The following SUMF1 variants were observed in gnomAD, a reference collection of about 807,000 sequenced individuals.
The protein encoded by SUMF1 is sulfatase modifying factor 1, also known as formylglycine-generating enzyme.
A neutral mutation model predicts 47.6 loss-of-function variants in SUMF1; 48 were observed. The observed-to-expected ratio is 1.01, with a 90% CI of 0.80 to 1.28. The LOEUF is 1.28. Ranked by LOEUF, SUMF1 falls within the 50% of genes most tolerant of loss-of-function variation. The pLI is 0.00. For synonymous variants in SUMF1, 230 were observed against 192.1 expected (o/e 1.20, Z -1.63); for missense variants, 571 against 485.4 (o/e 1.18, Z -1.66).
chr3:4,196,039 A>G (rs774010669), intron 8 of SUMF1, among the ~76,000 whole-genome samples: 3 of 152,240 alleles, frequency 2.0e-5, no homozygotes, highest in Non-Finnish European at 4.4e-5. Context: ...AAAAAGCACT[A>G]TATGATTAAA....
intron 8 of SUMF1, among the ~76,000 whole-genome samples, chr3:4,173,800 G>A (rs956878131): frequency 6.6e-6 from 1 of 152,036 alleles, no homozygotes; most frequent in African/African-American, 2.4e-5. Flanking sequence ...AACACCGCAT[G>A]TCCCCACTCA....
At chr3:4,379,805 G>A (rs1248770105) in intron 7 of SUMF1, among the ~76,000 whole-genome samples, 3 of 128,042 alleles carry the variant, frequency 2.3e-5, no homozygotes, top group Non-Finnish European at 3.1e-5. Context: ...TCGTGCCACC[G>A]CACTCCAGCC....
rs182732709 is a variant in SUMF1, at chr3:4,214,172, C to T, written c.1015-145427G>A. On this transcript the variant is annotated intron_variant and NMD_transcript_variant, in intron 8 of 12. Transcript: ENST00000448413. The stretch of plus-strand genomic sequence containing the variant: ...ACATAATTGGAAGGAAAACACTCCT[C>T]AGCAAATGCAAAAGAACGGAAATCA... 3.5e-4 allele frequency among the ~76,000 whole-genome samples: 54 copies of T among 152,268 alleles called. No individual in the cohort carries two copies. In the East Asian group the frequency reaches 9.1e-3, roughly 26 times the overall value.
At chr3:4,043,917 A>G (rs914108245) in intron 9 of SUMF1, among the ~76,000 whole-genome samples, 5 of 152,114 alleles carry the variant, frequency 3.3e-5, no homozygotes, top group African/African-American at 1.2e-4. Flanking sequence ...CTATACTGGC[A>G]ATAAAATCAA....
Position 4,318,855 on chromosome 3 carries a change from G to C in SUMF1, c.1014+57475C>G, listed in dbSNP as rs145646141. Among the ~76,000 whole-genome samples, 228 of 152,212 alleles carry C rather than the reference G, an allele frequency of 1.5e-3. 1 individual carries two copies. The highest frequency in any genetic ancestry group is 5.3e-3 in the African/African-American group (222 of 41,546). On this transcript the variant is annotated intron_variant and NMD_transcript_variant, in intron 8 of 12. Transcript: ENST00000448413. ...CCTGGGGTGGAGGTTACAGCGAGCTGAGATTACACCACTGCACTCCAGTCC... is the reference window on the plus strand; with the variant it reads ...CCTGGGGTGGAGGTTACAGCGAGCTCAGATTACACCACTGCACTCCAGTCC...
intron 8 of SUMF1, among the ~76,000 whole-genome samples, chr3:4,345,025 T>A (rs1699347169): frequency 6.6e-6 from 1 of 151,996 alleles, no homozygotes; most frequent in African/African-American, 2.4e-5. Context: ...CCAAGAAATA[T>A]GGGACCTCTT....
At chr3:4,190,894 C>T (rs1695301458) in intron 8 of SUMF1, among the ~76,000 whole-genome samples, 1 of 152,074 alleles carries the variant, frequency 6.6e-6, no homozygotes, top group African/African-American at 2.4e-5. Context: ...AATCGGGGTG[C>T]TAGGAAATAA....
At chr3:4,354,867 C>G (rs1699583809) in intron 8 of SUMF1, among the ~76,000 whole-genome samples, 1 of 152,204 alleles carries the variant, frequency 6.6e-6, no homozygotes, top group Admixed American at 6.5e-5. Flanking sequence ...GTACTTTGTG[C>G]TAAGCACTTT....
chr3:4,094,857 A>C (rs1692867209), intron 8 of SUMF1, among the ~76,000 whole-genome samples: 1 of 152,110 alleles, frequency 6.6e-6, no homozygotes, highest in African/African-American at 2.4e-5. Flanking sequence ...TGTTCAAAGG[A>C]GAGGGATCGT....
At chr3:4,151,306 T>C (rs1241433356) in intron 8 of SUMF1, among the ~76,000 whole-genome samples, 1 of 148,746 alleles carries the variant, frequency 6.7e-6, no homozygotes, top group Non-Finnish European at 1.5e-5. Context: ...CTGCTGCTAG[T>C]CTGGGGTGCT....
chr3:4,093,533 A>G (rs1464547289), intron 8 of SUMF1, among the ~76,000 whole-genome samples: 1 of 152,142 alleles, frequency 6.6e-6, no homozygotes, highest in African/African-American at 2.4e-5. Flanking sequence ...GTCTAAAAGA[A>G]TGAGTAGGAG....
intron 7 of SUMF1, among the ~76,000 whole-genome samples, chr3:4,388,313 G>A (rs921484704): frequency 1.7e-4 from 26 of 151,910 alleles, no homozygotes; most frequent in Non-Finnish European, 2.8e-4. Flanking sequence ...CATTATATAC[G>A]TTCTTCCTCA....
intron 8 of SUMF1, among the ~76,000 whole-genome samples, chr3:4,123,719 A>T (rs1254660895): frequency 6.6e-6 from 1 of 152,182 alleles, no homozygotes; most frequent in Non-Finnish European, 1.5e-5. Flanking sequence ...AACATTCCAT[A>T]CAATCATAGG....
intron 8 of SUMF1, among the ~76,000 whole-genome samples, chr3:4,278,052 G>A (rs188619251): frequency 3.8e-4 from 58 of 152,126 alleles, no homozygotes; most frequent in Middle Eastern, 6.8e-3. Flanking sequence ...GAGGAGTTTG[G>A]TCCCAAGTAT....
intron 8 of SUMF1, among the ~76,000 whole-genome samples, chr3:4,198,407 C>T (rs77254313): frequency 1.4e-3 from 214 of 152,258 alleles, no homozygotes; most frequent in Non-Finnish European, 2.4e-3. Context: ...TGGTTCCCAA[C>T]AGTCTCAGTT....
chr3:4,427,771 T>C (rs1259883532), intron 3 of SUMF1, among the ~76,000 whole-genome samples: 1 of 152,130 alleles, frequency 6.6e-6, no homozygotes, highest in Non-Finnish European at 1.5e-5. Context: ...ACTCAAAACA[T>C]TTCATGTCCT....
chr3:4,391,540 T>C (rs1449736351), intron 7 of SUMF1, among the ~76,000 whole-genome samples: 4 of 152,126 alleles, frequency 2.6e-5, no homozygotes, highest in African/African-American at 9.7e-5. Context: ...CTGGAGTGTA[T>C]TGCCATGATC....
Position 4,247,563 on chromosome 3 carries a change from G to A in SUMF1, c.1014+128767C>T, listed in dbSNP as rs149170603. Reference sequence around the variant, plus strand: ...AAAGAAGGGAAAGAGGGGGTAAGAAGCCCAGCTGGAGATTTGTAGTGCTAG... The same window carrying A: ...AAAGAAGGGAAAGAGGGGGTAAGAAACCCAGCTGGAGATTTGTAGTGCTAG... On this transcript the variant is annotated intron_variant and NMD_transcript_variant, in intron 8 of 12. Transcript: ENST00000448413. 2.9e-3 allele frequency among the ~76,000 whole-genome samples: 446 copies of A among 151,476 alleles called. 4 individuals are homozygous for A. The highest frequency in any genetic ancestry group is 0.01 in the African/African-American group (421 of 41,484).
At chr3:4,457,006 ATACG>A (rs1340107162) in intron 1 of SUMF1, among the ~76,000 whole-genome samples, 2 of 146,164 alleles carry the variant, frequency 1.4e-5, no homozygotes, top group African/African-American at 5.2e-5. Flanking sequence ...GTGTATATAT[ATACG>A]TGTGTGTACA....
Sources: allele counts gnomAD v4.1 joint callset (sites outside exome capture counted in the v4.1 genomes callset), GRCh38; gene constraint gnomAD v4.1.1; transcripts MANE v1.5; gene names NCBI Gene and HGNC (gene_info 2026-07-23, HGNC 2026-07-21).